Variants in IGF2R observed in about 807,000 individuals in gnomAD.
The protein encoded by IGF2R is insulin like growth factor 2 receptor.
In IGF2R, 91 loss-of-function variants were observed where a neutral mutation model predicts 270.6. That is an observed-to-expected ratio of 0.34 (90% confidence interval 0.28 to 0.40). IGF2R has a LOEUF of 0.40. Ranked by LOEUF, IGF2R falls within the 10% of genes least tolerant of loss-of-function variation. IGF2R has a pLI of 1.00. For missense variants in IGF2R, 2,805 were observed against 3,188.3 expected (o/e 0.88, Z 2.90); for synonymous variants, 1,316 against 1,258.9 (o/e 1.05, Z -0.96).
Position 160,047,882 on chromosome 6 carries a change from A to G in IGF2R, c.2320A>G (p.Thr774Ala), listed in dbSNP as rs773784277. 6.2e-7 allele frequency: 1 copy of G among 1,613,288 alleles called. No homozygotes were observed. The highest frequency in any genetic ancestry group is 1.1e-5 in the South Asian group (1 of 91,064). Reference protein sequence around the residue: ...PLECVVTDPSTLEQYDLSSLA... With the variant: ...PLECVVTDPSALEQYDLSSLA... The stretch of plus-strand genomic sequence containing the variant: ...GGAATGCGTAGTGACCGACCCCTCC[A>G]CGCTGGAGCAGTACGACCTCTCCAG... The change falls in exon 17 of 48, where the codon ACG (threonine) becomes GCG (alanine). Residue 774 changes from threonine (T) to alanine (A), a missense_variant. Physicochemically the swap from Thr to Ala is moderately conservative, Grantham distance 58. Transcript: ENST00000356956.
Position 160,024,641 on chromosome 6 carries a change from G to A in IGF2R, c.583G>A (p.Ala195Thr). Residue 195 changes from alanine (A) to threonine (T), a missense_variant, in exon 5 of 48, where the codon GCC becomes ACC. Physicochemically the swap from Ala to Thr is moderately conservative, Grantham distance 58. This residue lies in a region of IGF2R where 954 missense variants were observed against 981.1 expected (regional missense o/e 0.97). Coordinates refer to ENST00000356956, the MANE Select transcript of IGF2R (RefSeq NM_000876.4). ...DLNPLIKLSG[A>T]YLVDDSDPDT... is the part of the protein sequence containing the mutation. Reference sequence around the variant, plus strand: ...CAATCCTCTGATCAAGCTTAGTGGTGCCTACTTGGTGGATGACTCCGATCC... The same window carrying A: ...CAATCCTCTGATCAAGCTTAGTGGTACCTACTTGGTGGATGACTCCGATCC... The A allele has an allele frequency of 6.2e-7, 1 of 1,613,980 alleles. No homozygotes were observed. Among genetic ancestry groups the A allele is most frequent in the Non-Finnish European group, 8.5e-7 (1 of 1,179,874 alleles).
intron 35 of IGF2R, 67 bp from the exon 36 acceptor site, chr6:160,075,780 C>T (rs1010617909): frequency 6.5e-7 from 1 of 1,539,686 alleles, no homozygotes; most frequent in Non-Finnish European, 8.9e-7. Context: ...TGTATCAATT[C>T]TTAATTCCAC....
At chr6:160,065,359 G>C (rs962427662) in intron 29 of IGF2R, among the ~76,000 whole-genome samples, 1 of 152,162 alleles carries the variant, frequency 6.6e-6, no homozygotes, top group Non-Finnish European at 1.5e-5. Flanking sequence ...GTGTTCTGCC[G>C]TGTGAAACAC....
At position 160,106,141 on chromosome 6, in the gene IGF2R, C is replaced by T. The variant is rs1203598105; in HGVS notation, c.*1057C>T. Reference sequence around the variant, plus strand: ...TGCATGAAAAATCATGGGCCAGAGCCTCGGCCCTAGCATTGCACTTGGCCT... The same window carrying T: ...TGCATGAAAAATCATGGGCCAGAGCTTCGGCCCTAGCATTGCACTTGGCCT... On this transcript the variant is annotated 3_prime_UTR_variant, in exon 48 of 48. Transcript: ENST00000356956. 6.6e-6 allele frequency: 1 copy of T among 152,568 alleles called. No individual in the cohort carries two copies. Among genetic ancestry groups the T allele is most frequent in the Admixed American group, 6.6e-5 (1 of 15,264 alleles). The allele number at this position is 152,568 out of a possible 1,614,324, so 9.5% of individuals were successfully genotyped here.
chr6:160,038,810 A>C (rs1241265450), intron 10 of IGF2R, among the ~76,000 whole-genome samples: 2 of 152,208 alleles, frequency 1.3e-5, no homozygotes, highest in Non-Finnish European at 1.5e-5. Flanking sequence ...AGCCAACCAA[A>C]CAAACAAAAA....
In IGF2R at chr6:160,079,758, G is replaced by A. The variant is rs1778937010; in HGVS notation, c.5657G>A (p.Ser1886Asn). The A allele has an allele frequency of 1.4e-6, 2 of 1,465,856 alleles. No individual in the cohort carries two copies. The highest frequency in any genetic ancestry group is 1.8e-6 in the Non-Finnish European group (2 of 1,105,332). The allele number at this position is 1,465,856 out of a possible 1,614,324, so 90.8% of individuals were successfully genotyped here. ...YRHQDEAVVL[S>N]YVNGDRCPPE... is the part of the protein sequence containing the mutation. ...CACCAGGATGAAGCGGTCGTTTTAA[G>A]TTACGTGAATGGTGATCGTTGCCCT... The change falls in exon 38 of 48, where the codon AGT becomes AAT. Residue 1886 changes from serine (S) to asparagine (N), a missense_variant. This residue lies in a region of IGF2R where 1,851 missense variants were observed against 2,207.2 expected (regional missense o/e 0.84). Transcript: ENST00000356956.
intron 10 of IGF2R, 102 bp from the exon 11 acceptor site, chr6:160,040,458 G>T (rs1337993145): frequency 2.1e-6 from 2 of 931,854 alleles, no homozygotes; most frequent in African/African-American, 3.3e-5. Flanking sequence ...TTTTTTAACG[G>T]AGCAGTTGGC....
intron 1 of IGF2R, among the ~76,000 whole-genome samples, chr6:159,975,686 A>T (rs866089574): frequency 1.1e-3 from 157 of 138,934 alleles, no homozygotes; most frequent in African/African-American, 3.5e-3. Context: ...ATATATATTT[A>T]TATATATATA....
In IGF2R at chr6:160,045,790, G is replaced by C. The variant is rs748416838; in HGVS notation, c.1811G>C (p.Gly604Ala). Residue 604 changes from glycine to alanine, a missense_variant, in exon 14 of 48, where the codon GGT (glycine) becomes GCT (alanine). Gly to Ala is a moderately conservative substitution (Grantham distance 60, BLOSUM62 0). Around this residue, in one of 2 missense-constraint regions of IGF2R, gnomAD observed 954 missense variants for 981.1 expected, o/e 0.97. Transcript: ENST00000356956. ...APVLRTSGEGGCFYEFEWHTA... is the reference protein window; with the variant it reads ...APVLRTSGEGACFYEFEWHTA... ...GTGTTGAGAACTTCTGGGGAAGGCG[G>C]TTGCTTTTATGAGTTTGAGTGGCAC... 6.2e-7 allele frequency: 1 copy of C among 1,614,058 alleles called. No homozygotes were observed. Among genetic ancestry groups the C allele is most frequent in the African/African-American group, 1.3e-5 (1 of 75,044 alleles).
At position 160,080,064 on chromosome 6, in the gene IGF2R, A is replaced by G. The variant is rs1198176438; in HGVS notation, c.5687-65A>G. The G allele has an allele frequency of 8.2e-6, 13 of 1,582,082 alleles. No individual in the cohort carries two copies. In the Admixed American group the frequency reaches 1.5e-4, roughly 19 times the overall value. ...CAGCTTCCTTAGGGACTGCTGCTGC[A>G]TTCTGAGGTGATTGTGCCTGGCGAG... On this transcript the variant is annotated intron_variant, in intron 38 of 47. Transcript: ENST00000356956.
chr6:160,080,623 T>G (rs1262632513), intron 39 of IGF2R, among the ~76,000 whole-genome samples: 1 of 152,124 alleles, frequency 6.6e-6, no homozygotes, highest in Non-Finnish European at 1.5e-5. Context: ...TCTTCAGGAT[T>G]CTGAAGCTAG....
rs1779497705 is a variant in IGF2R at position 160,102,032 on chromosome 6, C to T, written c.6843-487C>T. Among the ~76,000 whole-genome samples, 1 of 152,078 alleles carries T rather than the reference C, an allele frequency of 6.6e-6. No homozygotes were observed. The highest frequency in any genetic ancestry group is 2.4e-5 in the African/African-American group (1 of 41,402). Reference sequence around the variant, plus strand: ...CTGGTCTGTGGCCGCCCCTGGGCCCCGTCCTGGCCTGTTTCTAAGGCCCCC... The same window carrying T: ...CTGGTCTGTGGCCGCCCCTGGGCCCTGTCCTGGCCTGTTTCTAAGGCCCCC... On this transcript the variant is annotated intron_variant, in intron 45 of 47. Transcript: ENST00000356956. This position sits in a 1 kb window ranked among gnomAD's most constrained non-coding sequence, Gnocchi z 4.5.
chr6:159,994,157 T>G (rs1784018839), intron 2 of IGF2R, among the ~76,000 whole-genome samples: 1 of 152,010 alleles, frequency 6.6e-6, no homozygotes, highest in Non-Finnish European at 1.5e-5. Flanking sequence ...TTTTCAGGAT[T>G]TCTGTTTCTT....
Position 160,084,560 on chromosome 6 carries a change from A to T in IGF2R, c.6068+376A>T, listed in dbSNP as rs548015875. 6.6e-6 allele frequency among the ~76,000 whole-genome samples: 1 copy of T among 152,092 alleles called. No homozygotes were observed. Among genetic ancestry groups the T allele is most frequent in the Non-Finnish European group, 1.5e-5 (1 of 68,020 alleles). On this transcript the variant is annotated intron_variant, in intron 40 of 47. Transcript: ENST00000356956. This position sits in a 1 kb window ranked among gnomAD's most constrained non-coding sequence, Gnocchi z 4.6. The stretch of plus-strand genomic sequence containing the variant: ...AGGCTTTGCTGGCTGGGGTCAGCCC[A>T]TGGTCCTGACCACTCTGCGTGGGGA...
chr6:160,100,918 G>C (rs576163341), intron 45 of IGF2R, among the ~76,000 whole-genome samples: 1 of 150,746 alleles, frequency 6.6e-6, no homozygotes, highest in Admixed American at 6.6e-5. Flanking sequence ...AGCCTCCTGA[G>C]TAGCTGGGAT....
chr6:160,066,508 A>G (rs1482662402), intron 29 of IGF2R, among the ~76,000 whole-genome samples: 1 of 152,204 alleles, frequency 6.6e-6, no homozygotes, highest in Non-Finnish European at 1.5e-5. Flanking sequence ...TCAGAGGAGA[A>G]TTTTATAATC....
intron 30 of IGF2R, among the ~76,000 whole-genome samples, chr6:160,068,955 A>T (rs1454837146): frequency 6.6e-6 from 1 of 152,190 alleles, no homozygotes; most frequent in African/African-American, 2.4e-5. Context: ...TGCTGGGAAC[A>T]TGATAACCCT....
chr6:160,078,397 T>TGTACCAG, intron 37 of IGF2R, 35 bp downstream of exon 37: 1 of 1,599,618 alleles, frequency 6.3e-7, no homozygotes, highest in Non-Finnish European at 8.6e-7. Context: ...CTGGTGCAGG[T>TGTACCAG]GTACCAGGTG....
intron 1 of IGF2R, among the ~76,000 whole-genome samples, chr6:159,977,540 A>G (rs563763629): frequency 3.9e-5 from 6 of 152,222 alleles, no homozygotes; most frequent in Non-Finnish European, 7.3e-5. Context: ...TGCTGCTGGC[A>G]GCGTGTGGCC....
Sources: gnomAD v4.1 joint callset for allele counts (sites outside exome capture counted in the v4.1 genomes callset) on GRCh38, gnomAD v4.1.1 for gene constraint, gnomAD v4.1.1 regional missense constraint, Gnocchi (gnomAD v3.1) non-coding constraint, MANE v1.5 for transcripts, NCBI Gene and HGNC (gene_info 2026-07-23, HGNC 2026-07-21) for gene names.